EMSY: variants seen among roughly 807,000 people sequenced by gnomAD.
EMSY encodes EMSY transcriptional repressor, BRCA2 interacting.
Under a neutral mutation model 134.6 loss-of-function variants are expected in EMSY, and 26 were observed. The ratio of observed to expected loss-of-function variants is 0.19; its 90% CI spans 0.14 to 0.27. EMSY has a LOEUF of 0.27. Among genes scored for constraint, EMSY ranks in the 10% least tolerant of loss-of-function variants. The pLI, the probability that EMSY is intolerant of heterozygous loss-of-function variation, is 1.00. For synonymous variants in EMSY, 579 were observed against 577.8 expected (o/e 1.00, Z -0.03); for missense variants, 1,305 against 1,611.4 (o/e 0.81, Z 3.26).
intron 7 of EMSY, among the ~76,000 whole-genome samples, chr11:76,469,347 C>T (rs1948484115): frequency 6.6e-6 from 1 of 152,198 alleles, no homozygotes; most frequent in Non-Finnish European, 1.5e-5. Flanking sequence ...GAAGCTACTA[C>T]AATTAGTTCA....
intron 8 of EMSY, among the ~76,000 whole-genome samples, chr11:76,483,292 CA>C: frequency 6.6e-6 from 1 of 152,258 alleles, no homozygotes; most frequent in South Asian, 2.1e-4. Flanking sequence ...CCAGCCACTG[CA>C]AAAACATACC....
At chr11:76,495,816 T>C (rs1949631410) in intron 8 of EMSY, among the ~76,000 whole-genome samples, 1 of 152,142 alleles carries the variant, frequency 6.6e-6, no homozygotes, top group Non-Finnish European at 1.5e-5. Context: ...ATTTGAAAAA[T>C]ATATAACATA....
intron 1 of EMSY, among the ~76,000 whole-genome samples, 174 bp downstream of exon 1, chr11:76,445,302 G>C (rs1239787148): frequency 5.3e-5 from 8 of 152,172 alleles, no homozygotes; most frequent in African/African-American, 1.4e-4. Flanking sequence ...GGCTGGCCTG[G>C]TGCTGGGACT....
intron 8 of EMSY, among the ~76,000 whole-genome samples, chr11:76,488,265 A>T (rs569433105): frequency 6.6e-6 from 1 of 152,346 alleles, no homozygotes; most frequent in East Asian, 1.9e-4. Context: ...TAGGAGTTCA[A>T]CATCAGCCTG....
At position 76,516,372 on chromosome 11, in the gene EMSY, A is replaced by C. The variant is rs186760525; in HGVS notation, c.1684+60A>C. ...GGCCTTCATTGAGAGGAAAAAAAAA[A>C]CTTACTTCATTGAAGGATTATATTT... On this transcript the variant is annotated intron_variant, in intron 11 of 20. Transcript: ENST00000334736. The C allele has an allele frequency of 2.0e-5, 25 of 1,268,292 alleles. No homozygotes were observed. In the East Asian group the frequency reaches 5.7e-4, roughly 29 times the overall value. 78.6% of individuals were successfully genotyped at this position (1,268,292 alleles called of 1,614,324 possible).
At chr11:76,503,539 T>C (rs1342523316) in intron 9 of EMSY, among the ~76,000 whole-genome samples, 3 of 152,116 alleles carry the variant, frequency 2.0e-5, no homozygotes, top group Non-Finnish European at 4.4e-5. Flanking sequence ...CAAATTCTGT[T>C]GGGACAAATG....
intron 2 of EMSY, 65 bp from the exon 3 acceptor site, chr11:76,451,793 C>G: frequency 1.0e-6 from 1 of 952,496 alleles, no homozygotes; most frequent in Non-Finnish European, 1.5e-6. Flanking sequence ...TGAAGTTTCA[C>G]TATACATAGC....
intron 8 of EMSY, among the ~76,000 whole-genome samples, chr11:76,484,366 C>A (rs1248339972): frequency 1.3e-5 from 2 of 152,058 alleles, no homozygotes; most frequent in Non-Finnish European, 2.9e-5. Context: ...CAAACACATT[C>A]AAAAGCTAGC....
intron 9 of EMSY, among the ~76,000 whole-genome samples, chr11:76,508,595 A>G (rs1218051378): frequency 1.3e-5 from 2 of 152,236 alleles, no homozygotes; most frequent in Admixed American, 1.3e-4. Context: ...CTTTGAAGCC[A>G]GGCATTGACT....
intron 8 of EMSY, among the ~76,000 whole-genome samples, chr11:76,481,836 C>T (rs923746328): frequency 2.0e-5 from 3 of 152,316 alleles, no homozygotes; most frequent in Non-Finnish European, 4.4e-5. Flanking sequence ...CAGAGTTAAA[C>T]GTTCCTGCCT....
chr11:76,545,627 A>G (rs1447654460), intron 19 of EMSY, among the ~76,000 whole-genome samples, 170 bp from the exon 21 acceptor site: 2 of 152,200 alleles, frequency 1.3e-5, no homozygotes, highest in African/African-American at 4.8e-5. Flanking sequence ...TAGGTTTTGT[A>G]AAAGTAACCA....
intron 8 of EMSY, among the ~76,000 whole-genome samples, chr11:76,495,795 T>C (rs1335501121): frequency 6.6e-6 from 1 of 152,146 alleles, no homozygotes; most frequent in Non-Finnish European, 1.5e-5. Flanking sequence ...GATTAGAACC[T>C]GAAAAATAAT....
chr11:76,530,394 C>G (rs1201649689), intron 14 of EMSY, among the ~76,000 whole-genome samples: 2 of 152,056 alleles, frequency 1.3e-5, no homozygotes, highest in Non-Finnish European at 2.9e-5. Context: ...CTCCTGACTT[C>G]AAGTAATCCA....
chr11:76,531,921 A>G (rs955152806), intron 14 of EMSY, among the ~76,000 whole-genome samples: 2 of 152,106 alleles, frequency 1.3e-5, no homozygotes, highest in Non-Finnish European at 2.9e-5. Flanking sequence ...TCTGAACTTC[A>G]CCTACTGTCC....
At chr11:76,542,599 C>T (rs940717199) in intron 18 of EMSY, among the ~76,000 whole-genome samples, 3 of 152,136 alleles carry the variant, frequency 2.0e-5, no homozygotes, top group Non-Finnish European at 4.4e-5. Context: ...GTGAGAATGT[C>T]TAGATGAATC....
intron 8 of EMSY, among the ~76,000 whole-genome samples, chr11:76,492,627 G>GT (rs1410350847): frequency 1.6e-4 from 25 of 152,192 alleles, no homozygotes; most frequent in Admixed American, 7.2e-4. Flanking sequence ...AGATGCTGCA[G>GT]TGGGGGAGGC....
chr11:76,528,351 G>C, exon 14 of EMSY: 1 of 1,613,388 alleles, frequency 6.2e-7, no homozygotes, highest in African/African-American at 1.3e-5. Context: ...AAACATTACA[G>C]CAAGCATCCA....
chr11:76,503,173 T>C (rs1785330542), intron 9 of EMSY, among the ~76,000 whole-genome samples: 1 of 151,588 alleles, frequency 6.6e-6, no homozygotes, highest in Non-Finnish European at 1.5e-5. Flanking sequence ...TGATGGTACA[T>C]GGCTGTAATC....
intron 9 of EMSY, among the ~76,000 whole-genome samples, chr11:76,507,881 T>C (rs1265095213): frequency 8.4e-6 from 1 of 119,312 alleles, no homozygotes; most frequent in Non-Finnish European, 1.9e-5. Flanking sequence ...TTTTTTTTTC[T>C]TTTTTTTGAG....
Sources: gnomAD v4.1 joint callset for allele counts (sites outside exome capture counted in the v4.1 genomes callset) on GRCh38, gnomAD v4.1.1 for gene constraint, MANE v1.5 for transcripts, NCBI Gene and HGNC (gene_info 2026-07-23, HGNC 2026-07-21) for gene names.